Variants in TFDP2 observed in about 807,000 individuals in gnomAD.
The protein encoded by TFDP2 is transcription factor Dp-2 (E2F dimerization partner 2).
A neutral mutation model predicts 59.3 loss-of-function variants in TFDP2; 17 were observed. That is an observed-to-expected ratio of 0.29 (90% CI 0.20 to 0.43). The LOEUF is 0.43. Among genes scored for constraint, TFDP2 ranks in the 20% least tolerant of loss-of-function variants. The pLI is 1.00. For missense variants in TFDP2, 391 were observed against 528.8 expected, an observed-to-expected ratio of 0.74 and a Z score of 2.56; for synonymous variants, 180 against 194.7, an observed-to-expected ratio of 0.92 and a Z score of 0.63.
chr3:141,951,905 A>T lies in TFDP2; in HGVS notation c.*608T>A, dbSNP rs1205415134. The T allele has an allele frequency of 1.3e-5, 2 of 152,624 alleles. No homozygotes were observed. Among genetic ancestry groups the T allele is most frequent in the Non-Finnish European group, 2.9e-5 (2 of 68,042 alleles). 9.5% of individuals were successfully genotyped at this position (152,624 alleles called of 1,614,324 possible). ...TCTAAATGTCACTTAAGTACTTAAG[A>T]AGTAGCGCTCGCTCCTTTCTAGAAG... On this transcript the variant is annotated 3_prime_UTR_variant, in exon 13 of 13. Transcript: ENST00000489671.
chr3:142,125,403 T>C (rs2062197001), intron 1 of TFDP2, among the ~76,000 whole-genome samples: 1 of 152,212 alleles, frequency 6.6e-6, no homozygotes, highest in South Asian at 2.1e-4. Flanking sequence ...TAATCTTTTA[T>C]GGAGGGCAGT....
At chr3:142,148,057 AC>A (rs1228462880) in intron 1 of TFDP2, among the ~76,000 whole-genome samples, 1 of 152,154 alleles carries the variant, frequency 6.6e-6, no homozygotes, top group African/African-American at 2.4e-5. Context: ...GAAAAAAAAA[AC>A]AGGTAAATTA....
chr3:142,128,974 T>TA (rs1222530084), intron 1 of TFDP2, among the ~76,000 whole-genome samples: 5 of 151,964 alleles, frequency 3.3e-5, no homozygotes, highest in African/African-American at 1.2e-4. Context: ...ATAAAACATC[T>TA]AGAAATGCTG....
intron 3 of TFDP2, among the ~76,000 whole-genome samples, chr3:142,048,597 G>A (rs975798450): frequency 7.2e-5 from 11 of 152,084 alleles, no homozygotes; most frequent in South Asian, 2.1e-4. Flanking sequence ...ATAGGGTCTC[G>A]CTCTTTTGCC....
intron 3 of TFDP2, among the ~76,000 whole-genome samples, chr3:142,051,991 T>C (rs1169932455): frequency 1.3e-5 from 2 of 151,950 alleles, no homozygotes; most frequent in African/African-American, 4.8e-5. Flanking sequence ...CTGGGTGTGG[T>C]TGCACATGTC....
intron 3 of TFDP2, among the ~76,000 whole-genome samples, chr3:142,007,914 C>T (rs193291560): frequency 6.6e-6 from 1 of 152,158 alleles, no homozygotes; most frequent in African/African-American, 2.4e-5. Flanking sequence ...CACTGGCTTG[C>T]CTGCCTGCCA....
At chr3:142,061,846 T>C (rs1469622846) in intron 3 of TFDP2, among the ~76,000 whole-genome samples, 3 of 149,238 alleles carry the variant, frequency 2.0e-5, no homozygotes, top group Non-Finnish European at 4.4e-5. Context: ...CATAACTGTA[T>C]GAGCCAATCC....
In TFDP2 at chr3:142,005,449, G is replaced by A. The variant is rs756038272; in HGVS notation, c.178C>T (p.Pro60Ser). 7 of 1,603,040 alleles carry A rather than the reference G, an allele frequency of 4.4e-6. No individual in the cohort carries two copies. In the South Asian group the frequency reaches 6.7e-5, roughly 15 times the overall value. Residue 60 changes from proline (P) to serine (S), a missense_variant, in exon 4 of 13, where the codon CCC (proline) becomes TCC (serine). Pro to Ser is a moderately conservative substitution (Grantham distance 74). Around this residue, in one of 3 missense-constraint regions of TFDP2, gnomAD observed 162 missense variants for 206.8 expected, o/e 0.78. Transcript: ENST00000489671. ...TTTGATAATTTTCTTACCATTTGGG[G>A]TCCAACATTCACATTTATTGGTCCT... ...TLGPINVNVG[P>S]QMIISTPQRL... is the part of the protein sequence containing the mutation.
chr3:142,075,479 T>G (rs543045028), intron 3 of TFDP2, among the ~76,000 whole-genome samples: 6 of 152,306 alleles, frequency 3.9e-5, no homozygotes, highest in African/African-American at 1.2e-4. Context: ...GTATCCTGCG[T>G]AGAGCACACT....
At chr3:142,071,433 C>T (rs1338828658) in intron 3 of TFDP2, among the ~76,000 whole-genome samples, 1 of 152,160 alleles carries the variant, frequency 6.6e-6, no homozygotes, top group Admixed American at 6.5e-5. Flanking sequence ...GCAAGGAATA[C>T]ACGCGTGAGC....
intron 1 of TFDP2, among the ~76,000 whole-genome samples, chr3:142,139,332 G>C (rs918061687): frequency 5.3e-5 from 8 of 152,144 alleles, no homozygotes; most frequent in Admixed American, 4.6e-4. Context: ...TTGCCAGTCT[G>C]TGTCTTTTAA....
intron 8 of TFDP2, among the ~76,000 whole-genome samples, chr3:141,973,117 ATATATATTT>A (rs1167288983): frequency 5.4e-5 from 5 of 91,860 alleles, no homozygotes; most frequent in East Asian, 3.4e-4. Flanking sequence ...ATATATATAT[ATATATATTT>A]TTTTTTTTTA....
At chr3:142,067,977 T>C (rs2060125222) in intron 3 of TFDP2, among the ~76,000 whole-genome samples, 2 of 150,588 alleles carry the variant, frequency 1.3e-5, no homozygotes, top group Non-Finnish European at 2.9e-5. Context: ...GCACTCCATC[T>C]TGAGTGACAG....
At chr3:141,970,643 G>C (rs1192221065) in intron 8 of TFDP2, among the ~76,000 whole-genome samples, 1 of 152,182 alleles carries the variant, frequency 6.6e-6, no homozygotes, top group African/African-American at 2.4e-5. Context: ...TAAATCCTCT[G>C]GTTACAGGGA....
intron 3 of TFDP2, among the ~76,000 whole-genome samples, chr3:142,065,038 C>T (rs775157952): frequency 6.6e-6 from 1 of 151,952 alleles, no homozygotes; most frequent in Non-Finnish European, 1.5e-5. Flanking sequence ...AGGAAAAATA[C>T]AAACAAGAAA....
At chr3:142,129,137 G>A (rs1240829533) in intron 1 of TFDP2, among the ~76,000 whole-genome samples, 1 of 151,976 alleles carries the variant, frequency 6.6e-6, no homozygotes, top group African/African-American at 2.4e-5. Context: ...GAAGCGCAGA[G>A]CTGGTATTGA....
chr3:141,989,700 C>G (rs1576598711), intron 6 of TFDP2, among the ~76,000 whole-genome samples: 1 of 152,232 alleles, frequency 6.6e-6, no homozygotes, highest in African/African-American at 2.4e-5. Context: ...AAGCCTGGAG[C>G]CTCTCTGTGA....
chr3:141,962,578 C>T (rs1435850022), intron 10 of TFDP2, among the ~76,000 whole-genome samples: 1 of 152,064 alleles, frequency 6.6e-6, no homozygotes, highest in African/African-American at 2.4e-5. Context: ...AGGCTGGTCT[C>T]GAACTCCTGA....
intron 6 of TFDP2, among the ~76,000 whole-genome samples, chr3:141,984,939 T>C (rs1409484681): frequency 1.3e-5 from 2 of 152,172 alleles, no homozygotes; most frequent in East Asian, 3.9e-4. Context: ...TCTTTTTTTT[T>C]ACATTGCTCC....
Sources: gnomAD v4.1 joint callset for allele counts (sites outside exome capture counted in the v4.1 genomes callset) on GRCh38, gnomAD v4.1.1 for gene constraint, gnomAD v4.1.1 regional missense constraint, MANE v1.5 for transcripts, NCBI Gene and HGNC (gene_info 2026-07-23, HGNC 2026-07-21) for gene names.